The following SMAD6 variants were observed in gnomAD, a reference collection of about 807,000 sequenced individuals.
The protein encoded by SMAD6 is MAD homolog 6.
A neutral mutation model predicts 39.4 loss-of-function variants in SMAD6; 103 were observed. The observed-to-expected ratio is 2.62, with a 90% confidence interval of 2.23 to 3.08. The LOEUF (loss-of-function observed/expected upper bound fraction) is 3.08. Ranked by LOEUF, SMAD6 falls within the 30% of genes most tolerant of loss-of-function variation. The pLI is 0.00. For synonymous variants in SMAD6, 445 were observed against 353.3 expected (o/e 1.26, Z -2.91); for missense variants, 1,104 against 742.9 (o/e 1.49, Z -5.65).
chr15:66,708,165 C>T (rs551066421), intron 1 of SMAD6: 17 of 152,496 alleles, frequency 1.1e-4, no homozygotes, highest in South Asian at 2.1e-4. Context: ...TCTTTCTCTC[C>T]CTACCAGGTC....
intron 3 of SMAD6, among the ~76,000 whole-genome samples, chr15:66,778,105 C>G (rs1894498122): frequency 6.9e-6 from 1 of 143,942 alleles, no homozygotes; most frequent in Non-Finnish European, 1.5e-5. Flanking sequence ...TTTTTTGAGA[C>G]AAGGTCTCAC....
intron 3 of SMAD6, among the ~76,000 whole-genome samples, chr15:66,745,145 G>A (rs1004377775): frequency 6.6e-6 from 1 of 152,148 alleles, no homozygotes; most frequent in Non-Finnish European, 1.5e-5. Context: ...CCCCCAGGGG[G>A]TATGGAAATA....
chr15:66,705,505 C>T (rs1371574445), intron 1 of SMAD6: 1 of 151,824 alleles, frequency 6.6e-6, no homozygotes, highest in Admixed American at 6.6e-5. Flanking sequence ...CCTCTGCCAA[C>T]TGACTCCCCA....
chr15:66,774,332 G>A (rs967045879), intron 3 of SMAD6, among the ~76,000 whole-genome samples: 5 of 152,198 alleles, frequency 3.3e-5, no homozygotes, highest in African/African-American at 9.7e-5. Context: ...GCCTCCCTCA[G>A]ACTGCAGTCA....
At position 66,781,053 on chromosome 15, in the gene SMAD6, T is replaced by G; in HGVS notation, c.1009T>G (p.Trp337Gly). ...KPSHWCSVAY[W>G]EHRTRVGRLY... is the part of the protein sequence containing the mutation. ...GAGCCACTGGTGCAGCGTGGCGTAC[T>G]GGGAGCACCGGACGCGCGTGGGCCG... Residue 337 changes from tryptophan to glycine, a missense_variant, in exon 4 of 4, where the codon TGG becomes GGG. Physicochemically the swap from Trp to Gly is radical, Grantham distance 184 (BLOSUM62 -2). Coordinates refer to ENST00000288840, the MANE Select transcript of SMAD6 (RefSeq NM_005585.5). 1 of 1,602,990 alleles carries G rather than the reference T, an allele frequency of 6.2e-7. No homozygotes were observed. Among genetic ancestry groups the G allele is most frequent in the Non-Finnish European group, 8.5e-7 (1 of 1,178,470 alleles).
intron 3 of SMAD6, chr15:66,717,531 C>T (rs2140606370): frequency 4.5e-6 from 2 of 440,086 alleles, no homozygotes; most frequent in East Asian, 7.2e-5. Context: ...AATGTATTTC[C>T]CCTAAAGTCC....
intron 3 of SMAD6, among the ~76,000 whole-genome samples, chr15:66,777,264 C>T (rs1316139731): frequency 1.3e-5 from 2 of 152,160 alleles, no homozygotes; most frequent in Non-Finnish European, 2.9e-5. Context: ...TTTTGCCCAC[C>T]ACGCTTCAGT....
chr15:66,778,206 A>G (rs1263740699), intron 3 of SMAD6, among the ~76,000 whole-genome samples: 1 of 151,278 alleles, frequency 6.6e-6, no homozygotes, highest in Non-Finnish European at 1.5e-5. Context: ...TCAGCTTCCC[A>G]AGTAGCTGGG....
intron 1 of SMAD6, chr15:66,705,917 G>A (rs1289236546): frequency 9.2e-5 from 14 of 152,432 alleles, no homozygotes; most frequent in Non-Finnish European, 1.7e-4. Context: ...GGTCAGAGGA[G>A]AGGGAGCCAG....
chr15:66,743,472 A>G (rs1425597268), intron 3 of SMAD6, among the ~76,000 whole-genome samples: 1 of 152,062 alleles, frequency 6.6e-6, no homozygotes, highest in Non-Finnish European at 1.5e-5. Context: ...TGATGCCCTC[A>G]TTATATAGAA....
chr15:66,730,302 AT>A (rs1239801774), intron 3 of SMAD6, among the ~76,000 whole-genome samples: 1 of 151,994 alleles, frequency 6.6e-6, no homozygotes, highest in South Asian at 2.1e-4. Context: ...CTTTTCTTTG[AT>A]TTTGTTACAT....
At position 66,781,966 on chromosome 15, in the gene SMAD6, G is replaced by T; in HGVS notation, c.*431G>T. ...GACAAAAAGCTAATACCAGTCACTC[G>T]ATAATAAAGTATTCGCATTATAGTT... On this transcript the variant is annotated 3_prime_UTR_variant, in exon 4 of 4. Transcript: ENST00000288840. 1 of 398,848 alleles carries T rather than the reference G, an allele frequency of 2.5e-6. No individual in the cohort carries two copies. The highest frequency in any genetic ancestry group is 1.3e-4 in the South Asian group (1 of 7,846). 24.7% of individuals were successfully genotyped at this position (398,848 alleles called of 1,614,324 possible). A position where few individuals can be genotyped will look rare whatever the true frequency, so the allele number is the denominator to read the frequency against.
chr15:66,750,594 C>T (rs1404809560), intron 3 of SMAD6, among the ~76,000 whole-genome samples: 1 of 148,940 alleles, frequency 6.7e-6, no homozygotes, highest in South Asian at 2.2e-4. Flanking sequence ...GAGCAGACCT[C>T]GCACCAAAAA....
intron 1 of SMAD6, chr15:66,708,760 G>A (rs1215389141): frequency 4.2e-6 from 2 of 470,990 alleles, no homozygotes; most frequent in African/African-American, 4.0e-5. Flanking sequence ...GTTGCCCAGG[G>A]TTTTGGGGTT....
chr15:66,775,331 G>A (rs1414140746), intron 3 of SMAD6, among the ~76,000 whole-genome samples: 1 of 152,154 alleles, frequency 6.6e-6, no homozygotes, highest in East Asian at 1.9e-4. Context: ...TTGGTGAGTA[G>A]TGTTCCATTG....
In SMAD6 at chr15:66,703,089, T is replaced by G. The variant is rs1358949745; in HGVS notation, c.-170T>G. 2 of 453,784 alleles carry G rather than the reference T, an allele frequency of 4.4e-6. No homozygotes were observed. The highest frequency in any genetic ancestry group is 3.8e-6 in the Non-Finnish European group (1 of 260,574). The allele number at this position is 453,784 out of a possible 1,614,324, so 28.1% of individuals were successfully genotyped here. A position where few individuals can be genotyped will look rare whatever the true frequency, so the allele number is the denominator to read the frequency against. On this transcript the variant is annotated 5_prime_UTR_variant, in exon 1 of 4. Transcript: ENST00000288840. ...CCCGCCTCGGCGAGCTCCCTCATGT[T>G]GTCGCCCTGCGGCGCCCCTTCGACG...
At position 66,703,028 on chromosome 15, in the gene SMAD6, CGGACTGCGGCTCGGCGTGCGCGT is replaced by C. The variant is rs1019817865; in HGVS notation, c.-229_-207del. The stretch of plus-strand genomic sequence containing the variant: ...GGTCCATGTAGCCGCTGGCCGCGCG[CGGACTGCGGCTCGGCGTGCGCGT>C]GTTCCCGGCCGTCCCGCCTCGGCGA... On this transcript the variant is annotated 5_prime_UTR_variant, in exon 1 of 4. Transcript: ENST00000288840. 53 of 382,070 alleles carry C rather than the reference CGGACTGCGGCTCGGCGTGCGCGT, an allele frequency of 1.4e-4. 1 individual carries two copies. Among genetic ancestry groups the C allele is most frequent in the Admixed American group, 9.2e-5 (2 of 21,670 alleles). 23.7% of individuals were successfully genotyped at this position (382,070 alleles called of 1,614,324 possible).
At chr15:66,778,790 C>A (rs183471045) in intron 3 of SMAD6, among the ~76,000 whole-genome samples, 1 of 152,324 alleles carries the variant, frequency 6.6e-6, no homozygotes, top group African/African-American at 2.4e-5. Flanking sequence ...GGTGTATACC[C>A]TGGGCCTCAG....
intron 3 of SMAD6, among the ~76,000 whole-genome samples, chr15:66,730,179 A>G (rs1893601777): frequency 6.6e-6 from 1 of 152,208 alleles, no homozygotes; most frequent in African/African-American, 2.4e-5. Flanking sequence ...AGGAAATGCC[A>G]AGGATGCGGA....
Sources: gnomAD v4.1 joint callset for allele counts (sites outside exome capture counted in the v4.1 genomes callset) on GRCh38, gnomAD v4.1.1 for gene constraint, MANE v1.5 for transcripts, NCBI Gene and HGNC (gene_info 2026-07-23, HGNC 2026-07-21) for gene names.